The following MRPS5 variants were observed in gnomAD, a reference collection of about 807,000 sequenced individuals.
MRPS5 encodes the protein small ribosomal subunit protein uS5m.
Under a neutral mutation model 51.9 loss-of-function variants are expected in MRPS5, and 27 were observed. That is an observed-to-expected ratio of 0.52 (90% CI 0.38 to 0.72). MRPS5 has a LOEUF of 0.72. Among genes scored for constraint, MRPS5 ranks in the 30% least tolerant of loss-of-function variants. The pLI is 0.00. For synonymous variants in MRPS5, 196 were observed against 193.2 expected (o/e 1.01, Z -0.12); for missense variants, 570 against 545.7 (o/e 1.04, Z -0.44).
intron 10 of MRPS5, 72 bp from the exon 11 acceptor site, chr2:95,090,594 G>A (rs568454163): frequency 6.9e-6 from 11 of 1,586,020 alleles, no homozygotes; most frequent in South Asian, 3.4e-5. Flanking sequence ...GCTGGCTTTC[G>A]CATGGCTTCA....
intron 10 of MRPS5, among the ~76,000 whole-genome samples, chr2:95,096,477 A>G (rs1675630788): frequency 6.6e-6 from 1 of 152,160 alleles, no homozygotes; most frequent in African/African-American, 2.4e-5. Context: ...GCACATCAAA[A>G]AGCTTATCCA....
chr2:95,112,244 T>A (rs533227458), intron 3 of MRPS5, among the ~76,000 whole-genome samples: 16 of 152,232 alleles, frequency 1.1e-4, no homozygotes, highest in African/African-American at 3.6e-4. Context: ...TTTATATTTT[T>A]AGTAGAGACG....
chr2:95,100,752 A>T, intron 9 of MRPS5, 85 bp downstream of exon 9: 1 of 1,065,110 alleles, frequency 9.4e-7, no homozygotes, highest in Non-Finnish European at 1.4e-6. Flanking sequence ...AGAAACACAA[A>T]GATACCTATA....
At chr2:95,087,615 T>A (rs1259954811) in intron 11 of MRPS5, 34 bp from the exon 12 acceptor site, 1 of 1,571,436 alleles carries the variant, frequency 6.4e-7, no homozygotes, top group African/African-American at 1.4e-5. Flanking sequence ...AGGTTAGGTC[T>A]GAAGTACATT....
At chr2:95,110,540 T>C (rs1015265066) in intron 3 of MRPS5, among the ~76,000 whole-genome samples, 13 of 152,226 alleles carry the variant, frequency 8.5e-5, no homozygotes, top group Admixed American at 5.9e-4. Flanking sequence ...CAGTGGCTCA[T>C]TCCTGTAATC....
At chr2:95,095,374 C>G (rs1319957794) in intron 10 of MRPS5, among the ~76,000 whole-genome samples, 2 of 152,162 alleles carry the variant, frequency 1.3e-5, no homozygotes, top group Non-Finnish European at 2.9e-5. Flanking sequence ...ATCTACAGAA[C>G]TCTCCACTCC....
chr2:95,087,624 T>C, intron 11 of MRPS5, 43 bp from the exon 12 acceptor site: 1 of 1,548,780 alleles, frequency 6.5e-7, no homozygotes, highest in Non-Finnish European at 8.8e-7. Context: ...CTGAAGTACA[T>C]TTGCAACATA....
intron 10 of MRPS5, chr2:95,091,811 T>C (rs1044054695): frequency 5.3e-5 from 8 of 152,216 alleles, no homozygotes; most frequent in Non-Finnish European, 1.2e-4. Flanking sequence ...CAGGTCACAA[T>C]GGGGTCCTCT....
chr2:95,115,608 C>T (rs1245406914), intron 2 of MRPS5, among the ~76,000 whole-genome samples: 2 of 152,200 alleles, frequency 1.3e-5, no homozygotes, highest in Non-Finnish European at 2.9e-5. Flanking sequence ...AGAGCATGTA[C>T]ACTATCCTAC....
intron 10 of MRPS5, 107 bp from the exon 11 acceptor site, chr2:95,090,629 T>C: frequency 3.0e-6 from 4 of 1,328,606 alleles, no homozygotes; most frequent in Non-Finnish European, 4.2e-6. Context: ...GGAAACTGGT[T>C]CATATTCTGG....
chr2:95,101,539 G>A, intron 8 of MRPS5, 138 bp downstream of exon 8: 2 of 595,278 alleles, frequency 3.4e-6, no homozygotes, highest in East Asian at 3.1e-5. Context: ...TGATTTTTAT[G>A]AGCTAATTAA....
Position 95,090,747 on chromosome 2 carries a change from T to C in MRPS5, c.932-225A>G. 1.0e-5 allele frequency: 5 copies of C among 501,132 alleles called. No homozygotes were observed. The South Asian group carries it at 1.4e-4, about 14-fold the overall frequency. 31.0% of individuals were successfully genotyped at this position (501,132 alleles called of 1,614,324 possible). A position where few individuals can be genotyped will look rare whatever the true frequency, so the allele number is the denominator to read the frequency against. The stretch of plus-strand genomic sequence containing the variant: ...ATTAAGAAGATGACATCTACAAATA[T>C]CTTGAACACATTTTGAGGGCAAAAA... On this transcript the variant is annotated intron_variant, in intron 10 of 11. Transcript: ENST00000272418.
intron 9 of MRPS5, 99 bp downstream of exon 9, chr2:95,100,738 A>G: frequency 1.0e-6 from 1 of 999,168 alleles, no homozygotes; most frequent in Non-Finnish European, 1.5e-6. Flanking sequence ...GAATGTAATA[A>G]GAGAGAAACA....
Position 95,087,089 on chromosome 2 carries a change from AC to A in MRPS5, c.*267del, listed in dbSNP as rs1675311836. The A allele has an allele frequency of 2.8e-6, 1 of 363,428 alleles. No homozygotes were observed. Among genetic ancestry groups the A allele is most frequent in the South Asian group, 7.0e-5 (1 of 14,284 alleles). The allele number at this position is 363,428 out of a possible 1,614,324, so 22.5% of individuals were successfully genotyped here. On this transcript the variant is annotated 3_prime_UTR_variant, in exon 12 of 12. Coordinates refer to ENST00000272418, the MANE Select transcript of MRPS5 (RefSeq NM_031902.5). ...TATTACTGATTGGGTCAAATTATTA[AC>A]CCCGTCTCCCTAATTCATTTACTTT...
chr2:95,098,622 G>A (rs1675698478), intron 10 of MRPS5, among the ~76,000 whole-genome samples: 1 of 152,078 alleles, frequency 6.6e-6, no homozygotes, highest in Non-Finnish European at 1.5e-5. Flanking sequence ...TCACTCATAG[G>A]TGGGAACTGA....
chr2:95,100,761 T>C, intron 9 of MRPS5, 76 bp downstream of exon 9: 7 of 1,133,996 alleles, frequency 6.2e-6, no homozygotes, highest in South Asian at 4.2e-5. Context: ...AAGATACCTA[T>C]AGAGATACAT....
chr2:95,106,354 C>T lies in MRPS5; in HGVS notation c.672+69G>A, dbSNP rs149256759. The T allele has an allele frequency of 6.5e-5, 70 of 1,080,310 alleles. No individual in the cohort carries two copies. The African/African-American group carries it at 1.0e-3, about 16-fold the overall frequency. 66.9% of individuals were successfully genotyped at this position (1,080,310 alleles called of 1,614,324 possible). ...AGGCCTTCCCTTACAGTTCCTCTTG[C>T]CCTGTCCCTGCCCCACCCACCCCAA... On this transcript the variant is annotated intron_variant, in intron 6 of 11. Coordinates refer to ENST00000272418, the MANE Select transcript of MRPS5 (RefSeq NM_031902.5).
intron 6 of MRPS5, among the ~76,000 whole-genome samples, chr2:95,105,483 G>A (rs754910733): frequency 2.2e-4 from 33 of 151,756 alleles, no homozygotes; most frequent in Admixed American, 3.3e-4. Flanking sequence ...CCGGGAGGTG[G>A]AGCTTGCAGT....
At position 95,085,443 on chromosome 2, in the gene MRPS5, TAAG is replaced by T. The variant is rs1675258286; in HGVS notation, c.*1911_*1913del. Among the ~76,000 whole-genome samples, 1 of 152,322 alleles carries T rather than the reference TAAG, an allele frequency of 6.6e-6. No homozygotes were observed. Among genetic ancestry groups the T allele is most frequent in the South Asian group, 2.1e-4 (1 of 4,826 alleles). On this transcript the variant is annotated 3_prime_UTR_variant, in exon 12 of 12. Coordinates refer to ENST00000272418, the MANE Select transcript of MRPS5 (RefSeq NM_031902.5). ...ATTGTCTTTATATTTGTTAGGTACT[TAAG>T]AAGGAAAACTAACAGGACAGATAAG...
Sources: gnomAD v4.1 joint callset for allele counts (sites outside exome capture counted in the v4.1 genomes callset) on GRCh38, gnomAD v4.1.1 for gene constraint, MANE v1.5 for transcripts, NCBI Gene and HGNC (gene_info 2026-07-23, HGNC 2026-07-21) for gene names.